Variants in HOMER2 observed in about 807,000 individuals in gnomAD.
HOMER2 encodes the protein homer scaffold protein 2.
A neutral mutation model predicts 47.0 loss-of-function variants in HOMER2; 27 were observed. The observed-to-expected ratio is 0.57, with a 90% CI of 0.42 to 0.79. The LOEUF is 0.79. Ranked by LOEUF, HOMER2 falls within the 30% of genes least tolerant of loss-of-function variation. HOMER2 has a pLI of 0.00. For missense variants in HOMER2, 443 were observed against 435.0 expected (o/e 1.02, Z -0.16); for synonymous variants, 161 against 163.8 (o/e 0.98, Z 0.13).
At chr15:82,858,931 T>A (rs975401893) in intron 5 of HOMER2, 98 bp downstream of exon 5, 6 of 1,416,978 alleles carry the variant, frequency 4.2e-6, no homozygotes, top group Non-Finnish European at 5.7e-6. Context: ...GGTCCCAGTT[T>A]TCTCTCCCAA....
chr15:82,968,899 C>T (rs1230885558), intron 1 of HOMER2, among the ~76,000 whole-genome samples: 2 of 152,190 alleles, frequency 1.3e-5, no homozygotes, highest in African/African-American at 4.8e-5. Context: ...AAAAAGAGAT[C>T]TAAGGTAAAG....
At chr15:82,868,146 CTGTT>C (rs1351310400) in intron 3 of HOMER2, among the ~76,000 whole-genome samples, 1 of 151,978 alleles carries the variant, frequency 6.6e-6, no homozygotes, top group Non-Finnish European at 1.5e-5. Context: ...TGAAAAGTGT[CTGTT>C]CATGTCCTTT....
intron 1 of HOMER2, among the ~76,000 whole-genome samples, chr15:82,968,634 G>A (rs2054697672): frequency 6.6e-6 from 1 of 152,158 alleles, no homozygotes; most frequent in South Asian, 2.1e-4. Flanking sequence ...ACTTATCTCA[G>A]AGATCACCCT....
chr15:82,889,903 C>T (rs576728597), intron 2 of HOMER2, among the ~76,000 whole-genome samples: 2 of 152,286 alleles, frequency 1.3e-5, no homozygotes, highest in African/African-American at 4.8e-5. Flanking sequence ...CTCCCATCCC[C>T]AATCCCTGAA....
At chr15:82,864,955 A>G (rs1489861271) in intron 3 of HOMER2, among the ~76,000 whole-genome samples, 1 of 152,272 alleles carries the variant, frequency 6.6e-6, no homozygotes, top group Non-Finnish European at 1.5e-5. Flanking sequence ...GGTTGCAGAC[A>G]AAACAAAAAC....
At chr15:82,981,307 C>T (rs2030390667) in intron 1 of HOMER2, among the ~76,000 whole-genome samples, 1 of 152,188 alleles carries the variant, frequency 6.6e-6, no homozygotes, top group Admixed American at 6.5e-5. Context: ...AAGCAGAGCT[C>T]TTTTGATGCC....
At chr15:82,904,297 G>A (rs541550280) in intron 1 of HOMER2, among the ~76,000 whole-genome samples, 1 of 152,290 alleles carries the variant, frequency 6.6e-6, no homozygotes, top group African/African-American at 2.4e-5. Flanking sequence ...GACCTCTGTG[G>A]AAATGAGTGC....
intron 1 of HOMER2, among the ~76,000 whole-genome samples, chr15:82,938,271 G>A (rs530311386): frequency 1.3e-5 from 2 of 152,286 alleles, no homozygotes; most frequent in African/African-American, 4.8e-5. Context: ...CTACTCAGGA[G>A]GCTGAGACAG....
chr15:82,896,253 A>T (rs1040185482), intron 1 of HOMER2, among the ~76,000 whole-genome samples: 27 of 152,166 alleles, frequency 1.8e-4, no homozygotes, highest in African/African-American at 6.5e-4. Context: ...CCTGAGGCCT[A>T]CAGGAGGGAG....
At chr15:82,947,648 A>G (rs2054410720) in intron 1 of HOMER2, among the ~76,000 whole-genome samples, 1 of 152,238 alleles carries the variant, frequency 6.6e-6, no homozygotes, top group South Asian at 2.1e-4. Flanking sequence ...TAATGTTAAA[A>G]GAAAGCTGCA....
upstream of HOMER2, among the ~76,000 whole-genome samples, chr15:82,955,552 G>A (rs1237692151): frequency 2.6e-5 from 4 of 152,138 alleles, no homozygotes; most frequent in Admixed American, 2.0e-4. Context: ...TTCTGGTATG[G>A]CTGGTCCAGG....
At position 82,849,758 on chromosome 15, in the gene HOMER2, T is replaced by G; in HGVS notation, c.989A>C (p.His330Pro). The stretch of plus-strand genomic sequence containing the variant: ...CTTGGAGAGCCCTCGGCGGAAGTCA[T>G]GCAGGTCGTCAATCTTCCCGTCCAG... ...EVLDGKIDDLHDFRRGLSKLG... is the reference protein window; with the variant it reads ...EVLDGKIDDLPDFRRGLSKLG... The change falls in exon 9 of 9, where the codon CAT becomes CCT. Residue 330 changes from histidine to proline, a missense_variant. By Grantham distance (77) the His-to-Pro change is moderately conservative. Coordinates refer to ENST00000450735, the MANE Select transcript of HOMER2 (RefSeq NM_004839.4). 6.2e-7 allele frequency: 1 copy of G among 1,613,900 alleles called. No individual in the cohort carries two copies. The highest frequency in any genetic ancestry group is 8.5e-7 in the Non-Finnish European group (1 of 1,179,862).
chr15:82,838,629 G>GTAT (rs914394806), exon 2 of HOMER2: 4 of 152,310 alleles, frequency 2.6e-5, no homozygotes, highest in African/African-American at 9.6e-5. Flanking sequence ...GAGGCATGAG[G>GTAT]TATCCAGCGG....
intron 2 of HOMER2, among the ~76,000 whole-genome samples, chr15:82,877,330 C>T (rs942247951): frequency 2.0e-5 from 3 of 152,160 alleles, no homozygotes; most frequent in South Asian, 2.1e-4. Context: ...CCACCACACC[C>T]GACAAATTTT....
upstream of HOMER2, among the ~76,000 whole-genome samples, chr15:82,956,979 T>C (rs2054593141): frequency 6.6e-6 from 1 of 152,044 alleles, no homozygotes; most frequent in Non-Finnish European, 1.5e-5. Context: ...TTTGGACTAT[T>C]AAGAAGAGTG....
rs2051890253 is a variant in HOMER2, at chr15:82,864,230, T to G, written c.324A>C (p.Glu108Asp). 6.2e-7 allele frequency: 1 copy of G among 1,612,640 alleles called. No homozygotes were observed. Among genetic ancestry groups the G allele is most frequent in the Non-Finnish European group, 8.5e-7 (1 of 1,179,304 alleles). ...KFAEKFQEVKEAAKIAKDKTQ... is the reference protein window; with the variant it reads ...KFAEKFQEVKDAAKIAKDKTQ... ...TCTTGTCTTTGGCTATCTTGGCAGC[T>G]TCTTTCACCTCCTGGAATTTCTCTG... The change falls in exon 4 of 9, where the codon GAA (glutamate) becomes GAC (aspartate). Residue 108 changes from glutamate (E) to aspartate (D), a missense_variant. By Grantham distance (45) the Glu-to-Asp change is conservative (BLOSUM62 2). Coordinates refer to ENST00000450735, the MANE Select transcript of HOMER2 (RefSeq NM_004839.4).
intron 8 of HOMER2, 52 bp downstream of exon 8, chr15:82,851,099 C>T: frequency 8.8e-7 from 1 of 1,136,830 alleles, no homozygotes; most frequent in South Asian, 1.3e-5. Context: ...AGTACCATGA[C>T]ATTTGTGCCT....
intron 8 of HOMER2, 21 bp from the exon 9 acceptor site, chr15:82,849,924 A>C (rs778883094): frequency 6.2e-7 from 1 of 1,610,888 alleles, no homozygotes; most frequent in Non-Finnish European, 8.5e-7. Flanking sequence ...AAAAGGGAGA[A>C]GGGTCTAGAA....
intron 1 of HOMER2, among the ~76,000 whole-genome samples, chr15:82,978,364 A>G (rs773771011): frequency 3.9e-5 from 6 of 152,192 alleles, no homozygotes; most frequent in Non-Finnish European, 7.4e-5. Context: ...ATGACTAGGT[A>G]TATGAAAGAC....
Sources: gnomAD v4.1 joint callset for allele counts (sites outside exome capture counted in the v4.1 genomes callset) on GRCh38, gnomAD v4.1.1 for gene constraint, MANE v1.5 for transcripts, NCBI Gene and HGNC (gene_info 2026-07-23, HGNC 2026-07-21) for gene names.